MUC17: variants seen among roughly 807,000 people sequenced by gnomAD.
MUC17 encodes mucin-17.
A neutral mutation model predicts 170.3 loss-of-function variants in MUC17; 190 were observed. That is an observed-to-expected ratio of 1.12 (90% CI 0.99 to 1.26). MUC17 has a LOEUF of 1.26. Ranked by LOEUF, MUC17 falls within the 50% of genes most tolerant of loss-of-function variation. The probability of loss-of-function intolerance (pLI) is 0.00; values close to 1 mark genes in which losing one functional copy is unlikely to be tolerated. For synonymous variants in MUC17, 2,325 were observed against 2,002.5 expected, an observed-to-expected ratio of 1.16 and a Z score of -4.30; for missense variants, 6,415 against 5,530.0, an observed-to-expected ratio of 1.16 and a Z score of -5.08.
rs556350889 is a variant in MUC17 at position 101,052,095 on chromosome 7, A to G, written c.13103+133A>G. 77 of 1,080,798 alleles carry G rather than the reference A, an allele frequency of 7.1e-5. No homozygotes were observed. In the African/African-American group the frequency reaches 9.6e-4, roughly 14 times the overall value. 67.0% of individuals were successfully genotyped at this position (1,080,798 alleles called of 1,614,324 possible). ...GTCCCAGCGTCTCCTGAATGTGTCC[A>G]GCTGCAGAGGAATTGGGTTGGGGAT... On this transcript the variant is annotated intron_variant, in intron 9 of 12. Transcript: ENST00000306151.
At position 101,040,280 on chromosome 7, in the gene MUC17, C is replaced by T. The variant is rs1162719074; in HGVS notation, c.8864C>T (p.Thr2955Ile). Residue 2955 changes from threonine (T) to isoleucine (I), a missense_variant, in exon 3 of 13, where the codon ACC becomes ATC. Transcript: ENST00000306151. ...ACCCTTTCAACAACTCCTGTTGACA[C>T]CAGGACACCTGTCACCACTTCTGCT... ...ASTLSTTPVD[T>I]RTPVTTSAEA... 1.2e-6 allele frequency: 2 copies of T among 1,610,692 alleles called. No homozygotes were observed. The highest frequency in any genetic ancestry group is 1.7e-6 in the Non-Finnish European group (2 of 1,178,458).
At chr7:101,026,036 T>C (rs1431886456) in intron 1 of MUC17, among the ~76,000 whole-genome samples, 1 of 152,186 alleles carries the variant, frequency 6.6e-6, no homozygotes, top group Non-Finnish European at 1.5e-5. Flanking sequence ...GTGCTTGCTG[T>C]GTGTGGTGGA....
intron 11 of MUC17, among the ~76,000 whole-genome samples, chr7:101,054,849 C>T (rs1008235877): frequency 6.6e-6 from 1 of 151,904 alleles, no homozygotes. Flanking sequence ...AAATGTGGCT[C>T]ATGCCTGTAA....
intron 6 of MUC17, 137 bp from the exon 7 acceptor site, chr7:101,050,347 G>T: frequency 7.7e-7 from 1 of 1,291,690 alleles, no homozygotes; most frequent in Non-Finnish European, 1.1e-6. Flanking sequence ...AAATGCCTAG[G>T]ACAGAGTCAT....
rs73168390 is a variant in MUC17 at position 101,035,202 on chromosome 7, C to T, written c.3786C>T (p.Thr1262=). ...CTGAAACCAGTTCCTCTCCTACAACCGCTGAAGGTACCAGCTTGCCAACCT... is the reference window on the plus strand; with the variant it reads ...CTGAAACCAGTTCCTCTCCTACAACTGCTGAAGGTACCAGCTTGCCAACCT... The part of the protein sequence containing the change: ...TSAETSSSPT[T]AEGTSLPTST... The change falls in exon 3 of 13, where the codon ACC becomes ACT. Residue 1262 remains threonine (T), a synonymous_variant. Coordinates refer to ENST00000306151, the MANE Select transcript of MUC17 (RefSeq NM_001040105.2). 0.073 allele frequency: 106,229 copies of T among 1,455,736 alleles called. No individual in the cohort carries two copies. Among genetic ancestry groups the T allele is most frequent in the African/African-American group, 0.23 (15,412 of 66,816 alleles). The allele number at this position is 1,455,736 out of a possible 1,614,324, so 90.2% of individuals were successfully genotyped here.
chr7:101,035,026 G>A lies in MUC17; in HGVS notation c.3610G>A (p.Ala1204Thr). ...STEASSPPPT[A>T]EVTSMPTSTP... ...TGAAGCCAGTTCACCTCCTCCAACT[G>A]CTGAAGTTACCAGCATGCCAACCTC... The change falls in exon 3 of 13, where the codon GCT (alanine) becomes ACT (threonine). Residue 1204 changes from alanine to threonine, a missense_variant. Ala to Thr is a moderately conservative substitution (Grantham distance 58). Coordinates refer to ENST00000306151, the MANE Select transcript of MUC17 (RefSeq NM_001040105.2). 2 of 1,614,014 alleles carry A rather than the reference G, an allele frequency of 1.2e-6. No homozygotes were observed. The highest frequency in any genetic ancestry group is 2.2e-5 in the South Asian group (2 of 91,078).
chr7:101,039,893 A>T lies in MUC17; in HGVS notation c.8477A>T (p.Glu2826Val), dbSNP rs1419386148. 9 of 1,612,876 alleles carry T rather than the reference A, an allele frequency of 5.6e-6. No individual in the cohort carries two copies. Among genetic ancestry groups the T allele is most frequent in the Non-Finnish European group, 7.6e-6 (9 of 1,179,672 alleles). The change falls in exon 3 of 13, where the codon GAG (glutamate) becomes GTG (valine). Residue 2826 changes from glutamate to valine, a missense_variant. By Grantham distance (121) the Glu-to-Val change is moderately radical. Coordinates refer to ENST00000306151, the MANE Select transcript of MUC17 (RefSeq NM_001040105.2). ...AACCACACGCCAGTGGCCAGTTCTG[A>T]GGCTGGCACCCTTTCAACAACTCCT... ...PVNHTPVASS[E>V]AGTLSTTPVD...
At chr7:101,022,862 G>A (rs1317528204) in intron 1 of MUC17, among the ~76,000 whole-genome samples, 1 of 152,014 alleles carries the variant, frequency 6.6e-6, no homozygotes, top group Non-Finnish European at 1.5e-5. Context: ...AGCCTTCCAG[G>A]AATCTGCACT....
In MUC17 at chr7:101,032,646, T is replaced by A. The variant is rs765584096; in HGVS notation, c.1230T>A (p.Ala410=). 1 of 1,612,976 alleles carries A rather than the reference T, an allele frequency of 6.2e-7. No individual in the cohort carries two copies. Among genetic ancestry groups the A allele is most frequent in the Non-Finnish European group, 8.5e-7 (1 of 1,179,386 alleles). The change falls in exon 3 of 13, where the codon GCT becomes GCA. Residue 410 remains alanine, a synonymous_variant. Transcript: ENST00000306151. ...CCATATTGGTGGCCAGTTCTGAGGC[T>A]AGCACCACTTCAACAATTCCTGTTG... ...VSTILVASSE[A]STTSTIPVDS... is the part of the protein sequence containing the mutation.
At chr7:101,049,300 A>G (rs753037476) in intron 5 of MUC17, 24 bp from the exon 6 acceptor site, 1 of 1,614,038 alleles carries the variant, frequency 6.2e-7, no homozygotes, top group Non-Finnish European at 8.5e-7. Context: ...CTCTGGGATG[A>G]CACAGTGGCC....
At position 101,037,152 on chromosome 7, in the gene MUC17, C is replaced by T. The variant is rs575805315; in HGVS notation, c.5736C>T (p.Asp1912=). 6.6e-5 allele frequency: 106 copies of T among 1,602,310 alleles called. No homozygotes were observed. The highest frequency in any genetic ancestry group is 2.6e-4 in the Admixed American group (15 of 58,700). The change falls in exon 3 of 13, where the codon GAC becomes GAT. Residue 1912 remains aspartate (D), a synonymous_variant. Coordinates refer to ENST00000306151, the MANE Select transcript of MUC17 (RefSeq NM_001040105.2). ...TCAGTTCATCTCCTACAACTGCTGA[C>T]GGTAGCAGCATGCCAACCTCAACTC... is the stretch of plus-strand genomic sequence containing the variant. ...AQVSSSPTTA[D]GSSMPTSTPR...
At chr7:101,024,938 T>A (rs958024172) in intron 1 of MUC17, among the ~76,000 whole-genome samples, 1 of 151,892 alleles carries the variant, frequency 6.6e-6, no homozygotes, top group African/African-American at 2.4e-5. Flanking sequence ...TGGCACACTC[T>A]GTCTTAGGTG....
At chr7:101,048,777 A>G (rs531936805) in intron 4 of MUC17, 68 bp from the exon 5 acceptor site, 199 of 1,586,394 alleles carry the variant, frequency 1.3e-4, no homozygotes, top group Non-Finnish European at 1.6e-4. Context: ...CCCTCCACCC[A>G]GGCTGGGGGC....
In MUC17 at chr7:101,042,530, G is replaced by T; in HGVS notation, c.11114G>T (p.Arg3705Leu). ...ACAACTATGCCTGTCAGCACCACAC[G>T]TGTGACCAGCTCTGAGGGTAGCACC... The part of the protein sequence containing the change: ...PLTTMPVSTT[R>L]VTSSEGSTLS... The change falls in exon 3 of 13, where the codon CGT becomes CTT. Residue 3705 changes from arginine (R) to leucine (L), a missense_variant. Transcript: ENST00000306151. The T allele has an allele frequency of 6.2e-7, 1 of 1,612,222 alleles. No individual in the cohort carries two copies. Among genetic ancestry groups the T allele is most frequent in the Non-Finnish European group, 8.5e-7 (1 of 1,179,364 alleles).
intron 3 of MUC17, among the ~76,000 whole-genome samples, chr7:101,044,160 G>T (rs1268136862): frequency 1.3e-5 from 2 of 152,164 alleles, no homozygotes; most frequent in Non-Finnish European, 2.9e-5. Context: ...TCCCTACAAA[G>T]GATGTGAACT....
intron 1 of MUC17, among the ~76,000 whole-genome samples, chr7:101,027,479 G>T (rs993008580): frequency 6.6e-6 from 1 of 152,124 alleles, no homozygotes; most frequent in Non-Finnish European, 1.5e-5. Flanking sequence ...GTCTTCCAGA[G>T]AATTTGTTCA....
rs781517130 is a variant in MUC17, at chr7:101,034,357, G to A, written c.2941G>A (p.Gly981Arg). 3.1e-6 allele frequency: 5 copies of A among 1,608,688 alleles called. No individual in the cohort carries two copies. Residue 981 changes from glycine (G) to arginine (R), a missense_variant, in exon 3 of 13, where the codon GGA (glycine) becomes AGA (arginine). Coordinates refer to ENST00000306151, the MANE Select transcript of MUC17 (RefSeq NM_001040105.2). ...CATACCAACCTCGACTCCTAGTGAA[G>A]GAACGACTCCATTAACAAGCACACC... ...TSIPTSTPSEGTTPLTSTPVS... is the reference protein window; with the variant it reads ...TSIPTSTPSERTTPLTSTPVS...
At chr7:101,030,981 T>G in intron 1 of MUC17, 139 bp from the exon 2 acceptor site, 1 of 1,070,642 alleles carries the variant, frequency 9.3e-7, no homozygotes, top group Non-Finnish European at 1.3e-6. Flanking sequence ...AGGGTCCTGA[T>G]GGCTGATTTC....
Position 101,035,001 on chromosome 7 carries a change from T to C in MUC17, c.3585T>C (p.Thr1195=). 7 of 1,614,018 alleles carry C rather than the reference T, an allele frequency of 4.3e-6. No homozygotes were observed. The South Asian group carries it at 6.6e-5, about 15-fold the overall frequency. Residue 1195 remains threonine (T), a synonymous_variant, in exon 3 of 13, where the codon ACT becomes ACC. Coordinates refer to ENST00000306151, the MANE Select transcript of MUC17 (RefSeq NM_001040105.2). Reference sequence around the variant, plus strand: ...CCAAAACTCAGGTGGCCACTTCTACTGAAGCCAGTTCACCTCCTCCAACTG... The same window carrying C: ...CCAAAACTCAGGTGGCCACTTCTACCGAAGCCAGTTCACCTCCTCCAACTG... The part of the protein sequence containing the change: ...VDSKTQVATS[T]EASSPPPTAE...
Sources: allele counts gnomAD v4.1 joint callset (sites outside exome capture counted in the v4.1 genomes callset), GRCh38; gene constraint gnomAD v4.1.1; transcripts MANE v1.5; gene names NCBI Gene and HGNC (gene_info 2026-07-23, HGNC 2026-07-21).